RBFOX3: variants seen among roughly 807,000 people sequenced by gnomAD.
The protein encoded by RBFOX3 is RNA binding protein fox-1 homolog 3.
RBFOX3 carries 17 observed loss-of-function variants against 48.7 expected under a neutral mutation model. That is an observed-to-expected ratio of 0.35 (90% CI 0.24 to 0.52). The LOEUF (loss-of-function observed/expected upper bound fraction) is 0.52, where lower values mean the gene tolerates loss of function less well. Among genes scored for constraint, RBFOX3 ranks in the 20% least tolerant of loss-of-function variants. RBFOX3 has a pLI of 0.94. For missense variants in RBFOX3, 382 were observed against 497.5 expected, an observed-to-expected ratio of 0.77 and a Z score of 2.21; for synonymous variants, 212 against 209.5, an observed-to-expected ratio of 1.01 and a Z score of -0.10.
At chr17:79,185,781 C>T (rs976652315) in intron 4 of RBFOX3, among the ~76,000 whole-genome samples, 2 of 152,214 alleles carry the variant, frequency 1.3e-5, no homozygotes, top group African/African-American at 4.8e-5. Context: ...CCATGCCTGA[C>T]ACAGAGCCAC....
intron 2 of RBFOX3, among the ~76,000 whole-genome samples, chr17:79,439,189 C>G (rs944581081): frequency 1.3e-5 from 2 of 152,260 alleles, no homozygotes; most frequent in Admixed American, 6.5e-5. Context: ...GCCGTAAATC[C>G]CAGCTCTGAT....
At chr17:79,415,555 G>T (rs1330760568) in intron 2 of RBFOX3, among the ~76,000 whole-genome samples, 1 of 152,174 alleles carries the variant, frequency 6.6e-6, no homozygotes, top group Non-Finnish European at 1.5e-5. Flanking sequence ...GTGTGTGCAT[G>T]CAGGCAGCCC....
intron 4 of RBFOX3, among the ~76,000 whole-genome samples, chr17:79,189,475 C>T (rs967382999): frequency 1.4e-4 from 21 of 152,246 alleles, no homozygotes; most frequent in African/African-American, 3.9e-4. Flanking sequence ...AAACCAAATC[C>T]GTTAATGTAA....
At chr17:79,276,230 G>A (rs1012577402) in intron 3 of RBFOX3, among the ~76,000 whole-genome samples, 3 of 152,178 alleles carry the variant, frequency 2.0e-5, no homozygotes, top group African/African-American at 7.2e-5. Context: ...AGAAATGAGT[G>A]ACTCTGGTGG....
chr17:79,487,342 C>T (rs1188876991), intron 1 of RBFOX3, among the ~76,000 whole-genome samples: 1 of 152,188 alleles, frequency 6.6e-6, no homozygotes, highest in Non-Finnish European at 1.5e-5. Flanking sequence ...CTTGGACTCA[C>T]GAGTTGCCTT....
At chr17:79,594,440 C>T (rs1378293046) in intron 1 of RBFOX3, among the ~76,000 whole-genome samples, 1 of 152,174 alleles carries the variant, frequency 6.6e-6, no homozygotes, top group African/African-American at 2.4e-5. Context: ...CTCCTGTTCA[C>T]ACCACCAGCC....
intron 1 of RBFOX3, among the ~76,000 whole-genome samples, chr17:79,610,434 TGCCGCCGCC>T (rs1285452612): frequency 5.3e-5 from 8 of 151,558 alleles, no homozygotes; most frequent in Admixed American, 1.3e-4. Flanking sequence ...CCGGGCATTG[TGCCGCCGCC>T]GCCGCCGCCA....
chr17:79,114,651 G>C (rs1469903387), intron 5 of RBFOX3, among the ~76,000 whole-genome samples: 1 of 152,230 alleles, frequency 6.6e-6, no homozygotes, highest in Non-Finnish European at 1.5e-5. Flanking sequence ...CCCGGGCAGT[G>C]CAGAGAGCTC....
intron 1 of RBFOX3, among the ~76,000 whole-genome samples, chr17:79,610,465 ACC>A (rs2093947866): frequency 1.3e-5 from 2 of 150,424 alleles, no homozygotes; most frequent in Non-Finnish European, 3.0e-5. Flanking sequence ...AGCCACCACC[ACC>A]GCCACCGCCA....
intron 1 of RBFOX3, among the ~76,000 whole-genome samples, chr17:79,596,995 C>T (rs1400051986): frequency 2.6e-5 from 4 of 152,194 alleles, no homozygotes; most frequent in Non-Finnish European, 4.4e-5. Flanking sequence ...TAACGAGCCA[C>T]GCCCCTCCTA....
chr17:79,179,795 T>G (rs1322327532), intron 4 of RBFOX3, among the ~76,000 whole-genome samples: 1 of 152,210 alleles, frequency 6.6e-6, no homozygotes, highest in Non-Finnish European at 1.5e-5. Flanking sequence ...GAGCTCCTTC[T>G]TGCCCTGAAA....
At chr17:79,335,125 C>A (rs1036432992) in intron 2 of RBFOX3, among the ~76,000 whole-genome samples, 13 of 152,212 alleles carry the variant, frequency 8.5e-5, no homozygotes, top group African/African-American at 3.1e-4. Flanking sequence ...CGTATGTGGG[C>A]CTCTCCCTGT....
At chr17:79,122,299 A>G (rs939456981) in intron 4 of RBFOX3, among the ~76,000 whole-genome samples, 1 of 152,142 alleles carries the variant, frequency 6.6e-6, no homozygotes, top group Non-Finnish European at 1.5e-5. Flanking sequence ...AGTAGAACCC[A>G]AAGTCCTGAG....
intron 1 of RBFOX3, among the ~76,000 whole-genome samples, chr17:79,559,957 T>C (rs1413026203): frequency 0.52 from 73,644 of 141,014 alleles, 20,097 homozygotes; most frequent in South Asian, 0.65. Flanking sequence ...CGGTGGTGAA[T>C]GAATGGGTGG....
chr17:79,419,355 C>T (rs1025784760), intron 2 of RBFOX3, among the ~76,000 whole-genome samples: 22 of 152,290 alleles, frequency 1.4e-4, no homozygotes, highest in African/African-American at 5.1e-4. Context: ...TTCCAGAAAA[C>T]CAAAGATGAG....
At chr17:79,638,240 T>C in the RBFOX3 span, among the ~76,000 whole-genome samples, 1 of 147,744 alleles carries the variant, frequency 6.8e-6, no homozygotes, top group East Asian at 2.0e-4. Context: ...TAATAAGGAT[T>C]AGAGCAGACA....
chr17:79,234,091 C>G (rs2061355250), intron 4 of RBFOX3: 1 of 152,278 alleles, frequency 6.6e-6, no homozygotes, highest in Non-Finnish European at 1.5e-5. Context: ...CCTGTCTACT[C>G]CCACGGAAAA....
At chr17:79,596,371 C>A (rs1040396307) in intron 1 of RBFOX3, among the ~76,000 whole-genome samples, 2 of 152,196 alleles carry the variant, frequency 1.3e-5, no homozygotes, top group Admixed American at 1.3e-4. Context: ...AGCCCTCTGC[C>A]CCCAGGCCCT....
chr17:79,121,788 G>A (rs1343124260), intron 4 of RBFOX3, among the ~76,000 whole-genome samples: 1 of 151,976 alleles, frequency 6.6e-6, no homozygotes, highest in Non-Finnish European at 1.5e-5. Context: ...CTCAGAACTC[G>A]GACCTCTTTC....
Sources: allele counts gnomAD v4.1 joint callset (sites outside exome capture counted in the v4.1 genomes callset), GRCh38; gene constraint gnomAD v4.1.1; transcripts MANE v1.5; gene names NCBI Gene and HGNC (gene_info 2026-07-23, HGNC 2026-07-21).